The following CACNA2D3 variants were observed in gnomAD, a reference collection of about 807,000 sequenced individuals.
CACNA2D3 encodes calcium voltage-gated channel auxiliary subunit alpha2delta 3.
CACNA2D3 carries 60 observed loss-of-function variants against 160.6 expected under a neutral mutation model. That is an observed-to-expected ratio of 0.37 (90% CI 0.30 to 0.46). CACNA2D3 has a LOEUF of 0.46. Among genes scored for constraint, CACNA2D3 ranks in the 20% least tolerant of loss-of-function variants. CACNA2D3 has a pLI of 1.00. For synonymous variants in CACNA2D3, 558 were observed against 492.9 expected, an observed-to-expected ratio of 1.13 and a Z score of -1.75; for missense variants, 1,205 against 1,365.0, an observed-to-expected ratio of 0.88 and a Z score of 1.85.
intron 27 of CACNA2D3, among the ~76,000 whole-genome samples, chr3:54,962,002 A>C (rs1702040238): frequency 6.6e-6 from 1 of 152,054 alleles, no homozygotes; most frequent in South Asian, 2.1e-4. Flanking sequence ...GTGCTCACTC[A>C]GGTCTCTCTC....
chr3:55,073,972 C>G, intron 37 of CACNA2D3, 113 bp downstream of exon 37: 2 of 850,680 alleles, frequency 2.4e-6, no homozygotes, highest in Non-Finnish European at 3.7e-6. Flanking sequence ...TAATCCCTTT[C>G]ATTCAGTAAA....
intron 6 of CACNA2D3, among the ~76,000 whole-genome samples, chr3:54,565,275 A>G (rs774504580): frequency 2.6e-5 from 4 of 152,164 alleles, no homozygotes; most frequent in African/African-American, 4.8e-5. Flanking sequence ...AAACATCATC[A>G]TGGTACAGTG....
chr3:54,472,592 A>C (rs527603192), intron 4 of CACNA2D3, among the ~76,000 whole-genome samples: 1 of 152,234 alleles, frequency 6.6e-6, no homozygotes, highest in African/African-American at 2.4e-5. Flanking sequence ...GAAGAAGTCA[A>C]ATTGTGTCTG....
chr3:54,572,668 C>T lies in CACNA2D3; in HGVS notation c.888+2564C>T, dbSNP rs529403341. On this transcript the variant is annotated intron_variant, in intron 8 of 37. Transcript: ENST00000474759. ...TGAGGCATAGTTCTTTGGAAGAAGA[C>T]TTTCAGATAGTTAGAACTTTGGGTT... is the stretch of plus-strand genomic sequence containing the variant. Among the ~76,000 whole-genome samples the T allele has an allele frequency of 8.5e-5, 13 of 152,308 alleles. No homozygotes were observed. In the South Asian group the frequency reaches 2.7e-3, roughly 32 times the overall value.
Position 55,021,707 on chromosome 3 carries a change from ATGTG to A in CACNA2D3, c.2987+3396_2987+3399del, listed in dbSNP as rs547342057. ...TATATATATATGTGTGTATATATATATGTGTGTGTATATATATATATATAGCCTT... is the reference window on the plus strand; with the variant it reads ...TATATATATATGTGTGTATATATATATGTGTATATATATATATATAGCCTT... On this transcript the variant is annotated intron_variant, in intron 35 of 37. Transcript: ENST00000474759. Among the ~76,000 whole-genome samples, 614 of 137,270 alleles carry A rather than the reference ATGTG, an allele frequency of 4.5e-3. 4 individuals carry two copies. The highest frequency in any genetic ancestry group is 0.017 in the African/African-American group (549 of 32,140). The allele number at this position is 137,270 out of a possible 152,430, so 90.1% of individuals were successfully genotyped here.
chr3:54,776,029 T>C (rs1012336095), intron 13 of CACNA2D3, among the ~76,000 whole-genome samples: 1 of 152,230 alleles, frequency 6.6e-6, no homozygotes, highest in Admixed American at 6.5e-5. Context: ...AATGCCCCAG[T>C]TGAGATCCAA....
chr3:54,985,318 C>G (rs1189348649), intron 30 of CACNA2D3, among the ~76,000 whole-genome samples: 1 of 152,062 alleles, frequency 6.6e-6, no homozygotes, highest in Non-Finnish European at 1.5e-5. Flanking sequence ...GCCTGGAAAT[C>G]AAAATAAGAG....
At chr3:54,547,171 A>C (rs1702078368) in intron 5 of CACNA2D3, among the ~76,000 whole-genome samples, 1 of 152,176 alleles carries the variant, frequency 6.6e-6, no homozygotes, top group African/African-American at 2.4e-5. Flanking sequence ...AGATGGCTGG[A>C]GTCCTTGTTA....
chr3:54,914,079 A>G (rs1018851328), intron 27 of CACNA2D3, among the ~76,000 whole-genome samples: 2 of 152,178 alleles, frequency 1.3e-5, no homozygotes, highest in East Asian at 1.9e-4. Context: ...GTGTTGTGTT[A>G]TCTATGCTAA....
At chr3:54,368,942 C>G (rs999387655) in intron 3 of CACNA2D3, among the ~76,000 whole-genome samples, 1 of 151,750 alleles carries the variant, frequency 6.6e-6, no homozygotes, top group African/African-American at 2.4e-5. Flanking sequence ...ACCTTGTGAT[C>G]CTCCCGCCTC....
intron 9 of CACNA2D3, among the ~76,000 whole-genome samples, chr3:54,605,938 T>C (rs545023023): frequency 1.2e-4 from 19 of 152,348 alleles, no homozygotes; most frequent in African/African-American, 4.6e-4. Context: ...TGCCTTCAGA[T>C]TATGGTGCAG....
intron 2 of CACNA2D3, among the ~76,000 whole-genome samples, chr3:54,196,689 A>G (rs1257870459): frequency 6.6e-6 from 1 of 152,208 alleles, no homozygotes; most frequent in Non-Finnish European, 1.5e-5. Flanking sequence ...CGTTTTCTGT[A>G]ATTTCCCACT....
intron 13 of CACNA2D3, among the ~76,000 whole-genome samples, chr3:54,803,432 A>T (rs1359442406): frequency 1.3e-5 from 2 of 152,232 alleles, no homozygotes; most frequent in Non-Finnish European, 2.9e-5. Flanking sequence ...TCAGGAGCCG[A>T]TGTGATCAAC....
At chr3:55,062,308 C>T (rs1392009058) in intron 35 of CACNA2D3, among the ~76,000 whole-genome samples, 5 of 148,942 alleles carry the variant, frequency 3.4e-5, no homozygotes, top group African/African-American at 1.3e-4. Context: ...CATACAGCCT[C>T]ACTATAAGTT....
At chr3:55,028,461 A>G (rs1356048080) in intron 35 of CACNA2D3, among the ~76,000 whole-genome samples, 1 of 152,206 alleles carries the variant, frequency 6.6e-6, no homozygotes, top group East Asian at 1.9e-4. Context: ...AAAACAACTC[A>G]GCCCATATTT....
chr3:54,445,719 A>G (rs1700212877), intron 4 of CACNA2D3, among the ~76,000 whole-genome samples: 1 of 152,094 alleles, frequency 6.6e-6, no homozygotes, highest in Non-Finnish European at 1.5e-5. Flanking sequence ...GTGAGTTTTT[A>G]GTTATAGACA....
In CACNA2D3 at chr3:54,640,453, T is replaced by C. The variant is rs1007963143; in HGVS notation, c.1054-1675T>C. On this transcript the variant is annotated intron_variant, in intron 10 of 37. Transcript: ENST00000474759. ...TCAATTGCATCATTAATAGCATTAA[T>C]TAAGGGAATTTTTCACCCCGATTCC... Among the ~76,000 whole-genome samples the C allele has an allele frequency of 3.9e-5, 6 of 152,148 alleles. No individual in the cohort carries two copies. In the South Asian group the frequency reaches 8.3e-4, roughly 21 times the overall value.
At chr3:54,826,962 T>G (rs920009116) in intron 14 of CACNA2D3, among the ~76,000 whole-genome samples, 1 of 152,268 alleles carries the variant, frequency 6.6e-6, no homozygotes, top group African/African-American at 2.4e-5. Context: ...GGCACTGTGC[T>G]AGGCACTTTA....
rs74492744 is a variant in CACNA2D3, at chr3:54,165,370, T to C, written c.204+41776T>C. 0.014 allele frequency among the ~76,000 whole-genome samples: 2,153 copies of C among 152,146 alleles called. 121 individuals carry two copies. The East Asian group carries it at 0.2, about 14-fold the overall frequency. On this transcript the variant is annotated intron_variant, in intron 2 of 37. Coordinates refer to ENST00000474759, the MANE Select transcript of CACNA2D3 (RefSeq NM_018398.3). ...CTTACCCTAAACTTCACTCCTGCTCTGGTGTCCTGTGTGGGTGGAAAAGTG... is the reference window on the plus strand; with the variant it reads ...CTTACCCTAAACTTCACTCCTGCTCCGGTGTCCTGTGTGGGTGGAAAAGTG...
Sources: gnomAD v4.1 joint callset for allele counts (sites outside exome capture counted in the v4.1 genomes callset) on GRCh38, gnomAD v4.1.1 for gene constraint, MANE v1.5 for transcripts, NCBI Gene and HGNC (gene_info 2026-07-23, HGNC 2026-07-21) for gene names.